Variants in GRAMD2B observed in about 807,000 individuals in gnomAD.
The protein encoded by GRAMD2B is GRAM domain-containing protein 2B.
GRAMD2B carries 41 observed loss-of-function variants against 59.2 expected under a neutral mutation model. The observed-to-expected ratio is 0.69, with a 90% CI of 0.54 to 0.90. The LOEUF (loss-of-function observed/expected upper bound fraction) is 0.90. Ranked by LOEUF, GRAMD2B falls within the 40% of genes least tolerant of loss-of-function variation. The pLI is 0.00. For synonymous variants in GRAMD2B, 161 were observed against 182.7 expected (o/e 0.88, Z 0.96); for missense variants, 424 against 500.5 (o/e 0.85, Z 1.46).
At chr5:126,489,524 C>G (rs1773553913) in intron 13 of GRAMD2B, among the ~76,000 whole-genome samples, 1 of 152,190 alleles carries the variant, frequency 6.6e-6, no homozygotes, top group African/African-American at 2.4e-5. Flanking sequence ...TGCTTAGAAG[C>G]TCTCTGCTTT....
At chr5:126,450,797 G>A (rs937718736) in intron 1 of GRAMD2B, among the ~76,000 whole-genome samples, 2 of 152,156 alleles carry the variant, frequency 1.3e-5, no homozygotes, top group Admixed American at 6.6e-5. Flanking sequence ...TCCATGGGGT[G>A]CTAATCCTGC....
intron 2 of GRAMD2B, 146 bp downstream of exon 2, chr5:126,465,691 T>C (rs1258238975): frequency 9.6e-6 from 7 of 725,726 alleles, no homozygotes; most frequent in African/African-American, 1.8e-5. Context: ...CATTTTTCCC[T>C]GATACCCAGG....
chr5:126,489,989 T>TA (rs1357677985), intron 13 of GRAMD2B, among the ~76,000 whole-genome samples: 1 of 152,236 alleles, frequency 6.6e-6, no homozygotes, highest in Non-Finnish European at 1.5e-5. Flanking sequence ...AGTTAGTATT[T>TA]AACAGCTAAA....
intron 8 of GRAMD2B, 57 bp from the exon 9 acceptor site, chr5:126,483,406 G>A: frequency 9.5e-7 from 1 of 1,048,214 alleles, no homozygotes; most frequent in South Asian, 1.3e-5. Flanking sequence ...AGTTACAAAG[G>A]CCTGCCTGTT....
upstream of GRAMD2B, among the ~76,000 whole-genome samples, chr5:126,419,490 A>G (rs1377994904): frequency 6.6e-6 from 1 of 152,148 alleles, no homozygotes; most frequent in Non-Finnish European, 1.5e-5. Context: ...CGGGATCCCA[A>G]TTCAACATGA....
upstream of GRAMD2B, among the ~76,000 whole-genome samples, chr5:126,420,553 C>G (rs1232785383): frequency 2.6e-5 from 4 of 152,166 alleles, no homozygotes; most frequent in Admixed American, 6.5e-5. Context: ...AGTCCTTATA[C>G]CATGCACTAA....
intron 1 of GRAMD2B, among the ~76,000 whole-genome samples, chr5:126,459,918 G>A (rs560474962): frequency 1.3e-5 from 2 of 152,280 alleles, no homozygotes; most frequent in Non-Finnish European, 2.9e-5. Flanking sequence ...TGACACAGCA[G>A]TTCCATTTCC....
intron 1 of GRAMD2B, among the ~76,000 whole-genome samples, chr5:126,397,585 G>A (rs1757468967): frequency 6.6e-6 from 1 of 152,116 alleles, no homozygotes; most frequent in African/African-American, 2.4e-5. Context: ...AATCATGAAA[G>A]GATGTCGAAC....
chr5:126,487,537 C>T (rs1773170921), intron 12 of GRAMD2B, among the ~76,000 whole-genome samples: 1 of 152,100 alleles, frequency 6.6e-6, no homozygotes, highest in Non-Finnish European at 1.5e-5. Context: ...AACCTATTTA[C>T]AAGAAGCTTT....
At chr5:126,484,307 A>G in intron 9 of GRAMD2B, 95 bp from the exon 10 acceptor site, 1 of 1,395,778 alleles carries the variant, frequency 7.2e-7, no homozygotes. Context: ...ATTCTTGACC[A>G]TTATGCATGT....
rs1768056451 is a variant in GRAMD2B, at chr5:126,465,097, G to T, written c.84-329G>T. 5.1e-6 allele frequency: 6 copies of T among 1,171,696 alleles called. No individual in the cohort carries two copies. The South Asian group carries it at 1.5e-4, about 29-fold the overall frequency. 72.6% of individuals were successfully genotyped at this position (1,171,696 alleles called of 1,614,324 possible). On this transcript the variant is annotated intron_variant, in intron 1 of 13. Transcript: ENST00000285689. ...CGTGTGTACATGTGCGTGTGTGCTT[G>T]TGCAGGGCGCTCCCAGCCTCCAGGT...
chr5:126,391,016 G>A (rs547318942), intron 1 of GRAMD2B, among the ~76,000 whole-genome samples: 6 of 151,998 alleles, frequency 3.9e-5, no homozygotes, highest in African/African-American at 1.5e-4. Context: ...TATAGTAACA[G>A]ATTGGGCTTA....
At chr5:126,489,006 C>A in intron 13 of GRAMD2B, 114 bp downstream of exon 13, 1 of 619,720 alleles carries the variant, frequency 1.6e-6, no homozygotes, top group Non-Finnish European at 2.9e-6. Context: ...AATAAACCTA[C>A]ATGATCAACC....
chr5:126,429,654 G>A (rs1405363657), intron 1 of GRAMD2B, among the ~76,000 whole-genome samples: 1 of 152,160 alleles, frequency 6.6e-6, no homozygotes, highest in African/African-American at 2.4e-5. Context: ...ACATGCTATG[G>A]GGTGGAGGTG....
At chr5:126,391,737 G>C (rs1394465211) in intron 1 of GRAMD2B, among the ~76,000 whole-genome samples, 1 of 152,186 alleles carries the variant, frequency 6.6e-6, no homozygotes, top group African/African-American at 2.4e-5. Context: ...TTAGTTCCCA[G>C]GGACTGCAGG....
intron 1 of GRAMD2B, among the ~76,000 whole-genome samples, chr5:126,433,183 T>C (rs927155564): frequency 3.3e-5 from 5 of 152,262 alleles, no homozygotes; most frequent in Non-Finnish European, 5.9e-5. Flanking sequence ...ATATCATTGC[T>C]ATTCATTAGA....
intron 1 of GRAMD2B, among the ~76,000 whole-genome samples, chr5:126,380,127 G>A (rs1755536720): frequency 6.6e-6 from 1 of 152,086 alleles, no homozygotes; most frequent in Non-Finnish European, 1.5e-5. Context: ...TCTGCATGTG[G>A]CTTACCAATT....
At chr5:126,428,497 C>T (rs1489557837) in intron 1 of GRAMD2B, among the ~76,000 whole-genome samples, 1 of 152,164 alleles carries the variant, frequency 6.6e-6, no homozygotes, top group Admixed American at 6.5e-5. Flanking sequence ...CAAATCAGCT[C>T]TATGACTGGA....
intron 1 of GRAMD2B, among the ~76,000 whole-genome samples, chr5:126,393,863 A>T (rs575172222): frequency 6.6e-6 from 1 of 152,310 alleles, no homozygotes; most frequent in Non-Finnish European, 1.5e-5. Context: ...TCCCACACAG[A>T]CCAGGCCTTC....
Sources: gnomAD v4.1 joint callset for allele counts (sites outside exome capture counted in the v4.1 genomes callset) on GRCh38, gnomAD v4.1.1 for gene constraint, MANE v1.5 for transcripts, NCBI Gene and HGNC (gene_info 2026-07-23, HGNC 2026-07-21) for gene names.